RGPD2: variants seen among roughly 807,000 people sequenced by gnomAD.
The protein encoded by RGPD2 is RANBP2 like and GRIP domain containing 2, also known as RANBP2-like and GRIP domain-containing protein 2.
Under a neutral mutation model 36.0 loss-of-function variants are expected in RGPD2, and 2 were observed. The ratio of observed to expected loss-of-function variants is 0.06; its 90% CI spans 0.02 to 0.17. The LOEUF (loss-of-function observed/expected upper bound fraction) is 0.17, where lower values mean the gene tolerates loss of function less well. Ranked by LOEUF, RGPD2 falls within the 10% of genes least tolerant of loss-of-function variation. RGPD2 has a pLI of 1.00. For synonymous variants in RGPD2, 19 were observed against 163.8 expected (o/e 0.12, Z 6.75); for missense variants, 40 against 464.3 (o/e 0.09, Z 8.40).
chr2:87,912,055 C>T, the RGPD2 span, among the ~76,000 whole-genome samples: 1 of 151,614 alleles, frequency 6.6e-6, no homozygotes, highest in Non-Finnish European at 1.5e-5. Context: ...TCGAAGATAC[C>T]AGGTTGTTTT....
chr2:87,798,667 A>G (rs542432468), intron 8 of RGPD2, among the ~76,000 whole-genome samples: 30 of 120,134 alleles, frequency 2.5e-4, no homozygotes, highest in African/African-American at 7.4e-4. Context: ...CATCCTGGCT[A>G]ACACAGTGAA....
the RGPD2 span, among the ~76,000 whole-genome samples, chr2:87,947,928 G>A: frequency 5.3e-5 from 8 of 151,546 alleles, no homozygotes; most frequent in Non-Finnish European, 8.9e-5. Context: ...CTACCCGTTC[G>A]GGACCCCTTC....
At chr2:87,849,350 TCTTATA>T in the RGPD2 span, among the ~76,000 whole-genome samples, 2 of 151,950 alleles carry the variant, frequency 1.3e-5, no homozygotes, top group Non-Finnish European at 2.9e-5. Context: ...TTGCTATGAT[TCTTATA>T]CTTATCAGAA....
the RGPD2 span, among the ~76,000 whole-genome samples, chr2:87,878,084 T>C: frequency 6.6e-6 from 1 of 152,196 alleles, no homozygotes; most frequent in Non-Finnish European, 1.5e-5. Context: ...CTTGCTAGGT[T>C]GGGGAAGTTC....
the RGPD2 span, among the ~76,000 whole-genome samples, chr2:87,979,243 A>AAAC: frequency 7.2e-6 from 1 of 138,948 alleles, no homozygotes; most frequent in African/African-American, 2.7e-5. Context: ...CCCTCCCCCA[A>AAAC]AAAAAGAAAA....
the RGPD2 span, among the ~76,000 whole-genome samples, chr2:87,963,960 C>T: frequency 4.0e-5 from 6 of 148,252 alleles, no homozygotes; most frequent in East Asian, 3.9e-4. Flanking sequence ...CTCAGCCTCC[C>T]GAGTAGCTGG....
chr2:87,964,127 G>A, the RGPD2 span, among the ~76,000 whole-genome samples: 23 of 152,226 alleles, frequency 1.5e-4, no homozygotes, highest in East Asian at 1.4e-3. Context: ...CATCCACCGC[G>A]CCCAGCATCC....
the RGPD2 span, among the ~76,000 whole-genome samples, chr2:87,978,869 G>A: frequency 1.4e-5 from 2 of 147,582 alleles, no homozygotes; most frequent in African/African-American, 2.5e-5. Flanking sequence ...AGCCAACTAC[G>A]ATAGCATCAC....
chr2:87,962,089 G>A, the RGPD2 span, among the ~76,000 whole-genome samples: 1 of 146,342 alleles, frequency 6.8e-6, no homozygotes, highest in African/African-American at 2.5e-5. Context: ...TTCACTAGCA[G>A]AATAACAGAA....
chr2:87,867,768 CAATAT>C, the RGPD2 span, among the ~76,000 whole-genome samples: 57 of 147,116 alleles, frequency 3.9e-4, no homozygotes, highest in African/African-American at 1.4e-3. Context: ...TTGACATATA[CAATAT>C]AATATATATA....
the RGPD2 span, among the ~76,000 whole-genome samples, chr2:87,870,009 T>C: frequency 5.9e-5 from 9 of 152,292 alleles, no homozygotes; most frequent in South Asian, 2.1e-4. Flanking sequence ...CTTTGAAATA[T>C]GTTTTGAACT....
chr2:87,915,485 G>A, the RGPD2 span, among the ~76,000 whole-genome samples: 1 of 119,886 alleles, frequency 8.3e-6, no homozygotes. Flanking sequence ...ATATATATGT[G>A]TGTATATACG....
At chr2:87,839,374 A>G in the RGPD2 span, among the ~76,000 whole-genome samples, 1 of 152,026 alleles carries the variant, frequency 6.6e-6, no homozygotes, top group East Asian at 1.9e-4. Flanking sequence ...TCAAAAAATA[A>G]CAGATTCTGG....
the RGPD2 span, among the ~76,000 whole-genome samples, chr2:87,888,366 C>T: frequency 6.7e-6 from 1 of 149,364 alleles, no homozygotes; most frequent in Non-Finnish European, 1.5e-5. Flanking sequence ...TATACACCCA[C>T]ATTTTATTTC....
the RGPD2 span, among the ~76,000 whole-genome samples, chr2:87,886,390 A>G: frequency 6.6e-6 from 1 of 151,066 alleles, no homozygotes; most frequent in Non-Finnish European, 1.5e-5. Context: ...CAACTACACT[A>G]CCTATTGCAT....
the RGPD2 span, among the ~76,000 whole-genome samples, chr2:87,864,527 T>C: frequency 3.3e-5 from 5 of 152,252 alleles, no homozygotes; most frequent in African/African-American, 9.6e-5. Flanking sequence ...TCTGTGATTG[T>C]GTAAGCCAAT....
At chr2:87,971,479 T>C in the RGPD2 span, among the ~76,000 whole-genome samples, 1 of 129,946 alleles carries the variant, frequency 7.7e-6, no homozygotes, top group Non-Finnish European at 1.6e-5. Flanking sequence ...ATATAATGAA[T>C]ATATTATTAT....
chr2:87,956,529 A>G, the RGPD2 span, among the ~76,000 whole-genome samples: 19 of 71,354 alleles, frequency 2.7e-4, no homozygotes, highest in African/African-American at 7.9e-4. Flanking sequence ...AAATTCTTCA[A>G]GAACAGTGAG....
the RGPD2 span, among the ~76,000 whole-genome samples, chr2:87,988,541 A>ATATATATTTTTTT: frequency 1.8e-5 from 1 of 54,150 alleles, no homozygotes; most frequent in Non-Finnish European, 4.2e-5. Context: ...ATATATATAT[A>ATATATATTTTTTT]TTTTTTTTTT....
Sources: allele counts gnomAD v4.1 joint callset (sites outside exome capture counted in the v4.1 genomes callset), GRCh38; gene constraint gnomAD v4.1.1; transcripts MANE v1.5; gene names NCBI Gene and HGNC (gene_info 2026-07-23, HGNC 2026-07-21).